Variants in ZNF385B observed in about 807,000 individuals in gnomAD.
ZNF385B encodes the protein zinc finger protein 533.
ZNF385B carries 23 observed loss-of-function variants against 39.2 expected under a neutral mutation model. The observed-to-expected ratio is 0.59, with a 90% confidence interval of 0.42 to 0.83. The LOEUF is 0.83. Ranked by LOEUF, ZNF385B falls within the 40% of genes least tolerant of loss-of-function variation. The pLI is 0.00. For synonymous variants in ZNF385B, 205 were observed against 222.6 expected, an observed-to-expected ratio of 0.92 and a Z score of 0.70; for missense variants, 552 against 598.9, an observed-to-expected ratio of 0.92 and a Z score of 0.82.
intron 5 of ZNF385B, among the ~76,000 whole-genome samples, chr2:179,494,013 A>G (rs2055876742): frequency 6.6e-6 from 1 of 151,428 alleles, no homozygotes; most frequent in Non-Finnish European, 1.5e-5. Context: ...TTATATATAT[A>G]TTAGTGTTAA....
intron 3 of ZNF385B, among the ~76,000 whole-genome samples, chr2:179,572,465 A>G (rs1685332059): frequency 6.6e-6 from 1 of 152,100 alleles, no homozygotes. Context: ...AGAGCTAAGA[A>G]GTTCAAGTAG....
chr2:179,588,085 CTCTTT>C (rs1687232104), intron 3 of ZNF385B, among the ~76,000 whole-genome samples: 1 of 152,034 alleles, frequency 6.6e-6, no homozygotes, highest in Admixed American at 6.6e-5. Context: ...AGGCCCTTCT[CTCTTT>C]TATTTTTTTT....
chr2:179,829,631 A>C (rs1035116923), intron 1 of ZNF385B, among the ~76,000 whole-genome samples: 2 of 151,952 alleles, frequency 1.3e-5, no homozygotes, highest in Admixed American at 6.6e-5. Context: ...CTCCTGCCTC[A>C]GCCTCCCAAG....
Position 179,769,593 on chromosome 2 carries a change from C to CT in ZNF385B, c.207_208insA (p.Gly70ArgfsTer13). On this transcript the variant is annotated frameshift_variant, in exon 3 of 10. Coordinates refer to ENST00000410066, the MANE Select transcript of ZNF385B (RefSeq NM_152520.6). LOFTEE classifies it high-confidence loss of function. ...TTCACTCGTTTGCGGTGGGATTTGC[C>CT]GTTGGAATGCACCTGAGCCTGGGCT... is the stretch of plus-strand genomic sequence containing the variant. The CT allele has an allele frequency of 1.9e-6, 3 of 1,614,120 alleles. No homozygotes were observed. Among genetic ancestry groups the CT allele is most frequent in the Non-Finnish European group, 2.5e-6 (3 of 1,180,032 alleles).
chr2:179,777,243 T>A (rs1022432679), intron 1 of ZNF385B, among the ~76,000 whole-genome samples: 4 of 152,150 alleles, frequency 2.6e-5, no homozygotes, highest in South Asian at 2.1e-4. Context: ...TGTATATGTG[T>A]ATTTCAGATA....
chr2:179,689,364 G>A (rs576282922), intron 3 of ZNF385B, among the ~76,000 whole-genome samples: 1 of 152,306 alleles, frequency 6.6e-6, no homozygotes, highest in South Asian at 2.1e-4. Context: ...TCTCTGCATG[G>A]ACTTAAGAAC....
chr2:179,640,916 C>A (rs1339809667), intron 3 of ZNF385B, among the ~76,000 whole-genome samples: 1 of 152,110 alleles, frequency 6.6e-6, no homozygotes, highest in African/African-American at 2.4e-5. Flanking sequence ...GCACAAAATT[C>A]TTTTCTCCGA....
At chr2:179,521,542 T>C (rs7419680) in intron 4 of ZNF385B, among the ~76,000 whole-genome samples, 113,785 of 151,450 alleles carry the variant, frequency 0.75, 43,130 homozygotes, top group East Asian at 0.91. Context: ...TTGCACCACA[T>C]TGGCCTGAAA....
At chr2:179,774,914 T>C (rs751001771) in intron 1 of ZNF385B, among the ~76,000 whole-genome samples, 14 of 152,212 alleles carry the variant, frequency 9.2e-5, no homozygotes, top group Non-Finnish European at 2.1e-4. Flanking sequence ...TGCAACCAAC[T>C]TTCTCAGGAA....
At chr2:179,764,863 C>T (rs150908576) in intron 3 of ZNF385B, among the ~76,000 whole-genome samples, 22 of 152,278 alleles carry the variant, frequency 1.4e-4, no homozygotes, top group East Asian at 9.6e-4. Context: ...CATTATTCTG[C>T]GTATTTCTTC....
chr2:179,551,689 A>T (rs1467608917), intron 3 of ZNF385B, among the ~76,000 whole-genome samples: 1 of 152,112 alleles, frequency 6.6e-6, no homozygotes, highest in African/African-American at 2.4e-5. Flanking sequence ...AGAAACTCCA[A>T]ACCCTGTGGT....
chr2:179,679,206 T>C (rs1350522038), intron 3 of ZNF385B, among the ~76,000 whole-genome samples: 1 of 152,186 alleles, frequency 6.6e-6, no homozygotes, highest in African/African-American at 2.4e-5. Context: ...AATAAGATTA[T>C]AATAATGTAT....
chr2:179,846,356 C>T (rs535905368), intron 1 of ZNF385B, among the ~76,000 whole-genome samples: 20 of 152,294 alleles, frequency 1.3e-4, no homozygotes, highest in Admixed American at 5.9e-4. Context: ...TGTTCTGTTA[C>T]ATTTGCATAT....
intron 3 of ZNF385B, among the ~76,000 whole-genome samples, chr2:179,612,171 G>A (rs1445924150): frequency 6.6e-6 from 1 of 151,976 alleles, no homozygotes; most frequent in Admixed American, 6.6e-5. Context: ...GCTATTTTTA[G>A]TTCTCTGTCT....
chr2:179,742,045 T>C (rs1043416095), intron 3 of ZNF385B, among the ~76,000 whole-genome samples: 1 of 152,110 alleles, frequency 6.6e-6, no homozygotes, highest in Non-Finnish European at 1.5e-5. Flanking sequence ...AATATTCTAG[T>C]TGACAAGGGA....
intron 6 of ZNF385B, among the ~76,000 whole-genome samples, chr2:179,480,241 T>C (rs564945349): frequency 1.3e-5 from 2 of 152,326 alleles, no homozygotes; most frequent in Admixed American, 1.3e-4. Context: ...CCCATGAGAT[T>C]TGCAAGTGAG....
chr2:179,606,474 A>G (rs1688811566), intron 3 of ZNF385B, among the ~76,000 whole-genome samples: 1 of 152,100 alleles, frequency 6.6e-6, no homozygotes, highest in African/African-American at 2.4e-5. Context: ...GACTCTTCAC[A>G]TATTTATCCC....
chr2:179,541,888 G>C (rs11674582), intron 4 of ZNF385B, among the ~76,000 whole-genome samples: 10,397 of 152,144 alleles, frequency 0.068, 456 homozygotes, highest in Middle Eastern at 0.19. Context: ...ACTCAAGGAC[G>C]TAAAGAGCCC....
chr2:179,510,399 TTA>T (rs2057583269), intron 5 of ZNF385B, among the ~76,000 whole-genome samples: 1 of 152,074 alleles, frequency 6.6e-6, no homozygotes, highest in East Asian at 1.9e-4. Flanking sequence ...AGGTGAATGT[TTA>T]TATATGTGAA....
Sources: gnomAD v4.1 joint callset for allele counts (sites outside exome capture counted in the v4.1 genomes callset) on GRCh38, gnomAD v4.1.1 for gene constraint, MANE v1.5 for transcripts, NCBI Gene and HGNC (gene_info 2026-07-23, HGNC 2026-07-21) for gene names.